STX18: variants seen among roughly 807,000 people sequenced by gnomAD.
STX18 encodes syntaxin 18.
STX18 carries 40 observed loss-of-function variants against 50.1 expected under a neutral mutation model. The ratio of observed to expected loss-of-function variants is 0.80; its 90% confidence interval spans 0.62 to 1.04. The LOEUF (loss-of-function observed/expected upper bound fraction) is 1.04. Among genes scored for constraint, STX18 ranks in the 50% least tolerant of loss-of-function variants. The pLI is 0.00. For missense variants in STX18, 410 were observed against 415.8 expected (o/e 0.99, Z 0.12); for synonymous variants, 158 against 151.8 (o/e 1.04, Z -0.30).
At chr4:4,452,404 T>C (rs1450343204) in intron 5 of STX18, among the ~76,000 whole-genome samples, 2 of 152,148 alleles carry the variant, frequency 1.3e-5, no homozygotes, top group Non-Finnish European at 2.9e-5. Flanking sequence ...GAATTGGAGG[T>C]AGATGCCATT....
At chr4:4,492,170 T>C (rs937480276) in intron 1 of STX18, among the ~76,000 whole-genome samples, 1 of 152,144 alleles carries the variant, frequency 6.6e-6, no homozygotes, top group Admixed American at 6.5e-5. Context: ...TAGAGATTTA[T>C]ATCCCTAGTA....
At chr4:4,524,052 A>C (rs763336874) in intron 1 of STX18, among the ~76,000 whole-genome samples, 1 of 152,016 alleles carries the variant, frequency 6.6e-6, no homozygotes. Flanking sequence ...TTTTTTCCCT[A>C]GATTATGTGT....
At chr4:4,466,111 TAAGAA>T (rs1727607016) in intron 2 of STX18, among the ~76,000 whole-genome samples, 1 of 152,024 alleles carries the variant, frequency 6.6e-6, no homozygotes. Flanking sequence ...AAAAGTACCA[TAAGAA>T]AAGCACAGAA....
intron 1 of STX18, among the ~76,000 whole-genome samples, chr4:4,504,246 AT>A (rs544914606): frequency 2.6e-5 from 4 of 151,490 alleles, no homozygotes; most frequent in Non-Finnish European, 5.9e-5. Context: ...GAGATTACTT[AT>A]TTTTTTTTCT....
intron 1 of STX18, chr4:4,507,671 T>C (rs1331332132): frequency 5.6e-5 from 46 of 819,834 alleles, no homozygotes; most frequent in Middle Eastern, 7.0e-4. Context: ...AAAGGTTCGT[T>C]TGGACAAAGC....
intron 1 of STX18, among the ~76,000 whole-genome samples, chr4:4,515,683 T>C (rs1216769489): frequency 2.0e-5 from 3 of 152,164 alleles, no homozygotes; most frequent in African/African-American, 7.2e-5. Flanking sequence ...TTTGGAGACA[T>C]TAAGTGTACA....
intron 1 of STX18, among the ~76,000 whole-genome samples, chr4:4,537,505 A>G (rs1362479197): frequency 6.6e-6 from 1 of 152,168 alleles, no homozygotes; most frequent in Non-Finnish European, 1.5e-5. Flanking sequence ...ACTGTAAGAG[A>G]GAGCAGAGGA....
Position 4,422,273 on chromosome 4 carries a change from G to A in STX18, c.831+1245C>T, listed in dbSNP as rs114372562. On this transcript the variant is annotated intron_variant, in intron 9 of 10. Transcript: ENST00000306200. ...AGACACATTGTTCCTCAGGACTTAG[G>A]AACTCCCAGTGGGCCGGGCGCAGTG... Among the ~76,000 whole-genome samples, 1,293 of 152,172 alleles carry A rather than the reference G, an allele frequency of 8.5e-3. 8 individuals are homozygous for A. Among genetic ancestry groups the A allele is most frequent in the Non-Finnish European group, 0.012 (845 of 68,004 alleles).
chr4:4,538,908 T>G (rs1462741380), intron 1 of STX18, among the ~76,000 whole-genome samples: 2 of 152,092 alleles, frequency 1.3e-5, no homozygotes, highest in Non-Finnish European at 2.9e-5. Context: ...TATAAGTTCC[T>G]CCCCCAAATA....
intron 1 of STX18, among the ~76,000 whole-genome samples, chr4:4,496,127 T>C (rs2108870859): frequency 6.6e-6 from 1 of 152,240 alleles, no homozygotes; most frequent in East Asian, 1.9e-4. Context: ...AAGCAAACAA[T>C]CTAAGATCCT....
chr4:4,527,867 C>CACATATATATATATATATAT (rs372566368), intron 1 of STX18, among the ~76,000 whole-genome samples: 27 of 137,204 alleles, frequency 2.0e-4, no homozygotes, highest in African/African-American at 6.9e-4. Context: ...CACACACACA[C>CACATATATATATATATATAT]ATATATATAT....
chr4:4,527,126 T>G (rs1302757645), intron 1 of STX18, among the ~76,000 whole-genome samples: 1 of 152,144 alleles, frequency 6.6e-6, no homozygotes, highest in African/African-American at 2.4e-5. Context: ...GGGGACCTAT[T>G]TATATATATT....
chr4:4,444,706 T>C (rs1424756949), intron 5 of STX18, among the ~76,000 whole-genome samples: 1 of 152,228 alleles, frequency 6.6e-6, no homozygotes, highest in Non-Finnish European at 1.5e-5. Flanking sequence ...CCATGAGTTC[T>C]TCTAGCAAAT....
chr4:4,420,545 C>G lies in STX18; in HGVS notation c.912+319G>C, dbSNP rs1724884279. 2.4e-6 allele frequency: 1 copy of G among 410,516 alleles called. No homozygotes were observed. Among genetic ancestry groups the G allele is most frequent in the Non-Finnish European group, 4.4e-6 (1 of 228,030 alleles). 25.4% of individuals were successfully genotyped at this position (410,516 alleles called of 1,614,324 possible). ...TGTAAGCAGGGGCCAGGCTCTGACCCCTCGGTGGGGGCCAACGAGCTACCC... is the reference window on the plus strand; with the variant it reads ...TGTAAGCAGGGGCCAGGCTCTGACCGCTCGGTGGGGGCCAACGAGCTACCC... On this transcript the variant is annotated intron_variant, in intron 10 of 10. Coordinates refer to ENST00000306200, the MANE Select transcript of STX18 (RefSeq NM_016930.4). The surrounding 1 kb of genome is among the most constrained non-coding windows in gnomAD (Gnocchi z 4.3).
intron 9 of STX18, among the ~76,000 whole-genome samples, chr4:4,422,291 G>A (rs906210657): frequency 6.6e-5 from 10 of 152,282 alleles, no homozygotes; most frequent in Admixed American, 6.5e-4. Flanking sequence ...AGTGGGCCGG[G>A]CGCAGTGGCT....
intron 5 of STX18, among the ~76,000 whole-genome samples, chr4:4,444,004 G>C (rs1279657900): frequency 6.6e-6 from 1 of 151,832 alleles, no homozygotes; most frequent in Non-Finnish European, 1.5e-5. Context: ...TGTCTGATGA[G>C]AGTATCTTTG....
At chr4:4,461,458 T>C (rs751535243) in intron 2 of STX18, among the ~76,000 whole-genome samples, 19 of 152,096 alleles carry the variant, frequency 1.2e-4, no homozygotes, top group Non-Finnish European at 2.6e-4. Flanking sequence ...ATTAAATGGG[T>C]CAATAAAGTC....
intron 1 of STX18, among the ~76,000 whole-genome samples, chr4:4,525,078 C>T (rs895221617): frequency 1.3e-5 from 2 of 152,032 alleles, no homozygotes; most frequent in Non-Finnish European, 2.9e-5. Flanking sequence ...TAGGGGTATC[C>T]TGTGGTACAT....
At chr4:4,463,204 C>A (rs1190587983) in intron 2 of STX18, among the ~76,000 whole-genome samples, 1 of 152,160 alleles carries the variant, frequency 6.6e-6, no homozygotes, top group Non-Finnish European at 1.5e-5. Context: ...ACTTTGTGGG[C>A]CTTGTAGCCC....
Sources: gnomAD v4.1 joint callset for allele counts (sites outside exome capture counted in the v4.1 genomes callset) on GRCh38, gnomAD v4.1.1 for gene constraint, Gnocchi (gnomAD v3.1) non-coding constraint, MANE v1.5 for transcripts, NCBI Gene and HGNC (gene_info 2026-07-23, HGNC 2026-07-21) for gene names.